CIP2A: variants seen among roughly 807,000 people sequenced by gnomAD.
CIP2A encodes the protein protein CIP2A.
In CIP2A, 103 loss-of-function variants were observed where a neutral mutation model predicts 110.9. That is an observed-to-expected ratio of 0.93 (90% CI 0.79 to 1.09). The LOEUF is 1.09. Ranked by LOEUF, CIP2A falls within the 50% of genes least tolerant of loss-of-function variation. The pLI is 0.00. For synonymous variants in CIP2A, 381 were observed against 361.6 expected, an observed-to-expected ratio of 1.05 and a Z score of -0.61; for missense variants, 1,088 against 1,038.4, an observed-to-expected ratio of 1.05 and a Z score of -0.66.
chr3:108,585,351 T>G (rs557845813), intron 1 of CIP2A, 139 bp from the exon 2 acceptor site: 8 of 702,282 alleles, frequency 1.1e-5, no homozygotes, highest in Middle Eastern at 4.2e-4. Context: ...CTGTGAAAAA[T>G]TCACCCCTGC....
chr3:108,568,522 G>T (rs1367145863), intron 9 of CIP2A, among the ~76,000 whole-genome samples: 1 of 151,732 alleles, frequency 6.6e-6, no homozygotes, highest in African/African-American at 2.4e-5. Context: ...TCTCAAATTA[G>T]ACAGTAAGGT....
chr3:108,553,918 A>AAAAAAAAAAAAAAAAAAAAAAAAAAAAC (rs1937693280), intron 18 of CIP2A, among the ~76,000 whole-genome samples, 188 bp from the exon 19 acceptor site: 2 of 143,812 alleles, frequency 1.4e-5, no homozygotes, highest in Non-Finnish European at 3.0e-5. Context: ...AAAAAAAAAA[A>AAAAAAAAAAAAAAAAAAAAAAAAAAAAC]AGGTCTCGTT....
chr3:108,560,771 G>T lies in CIP2A; in HGVS notation c.1705C>A (p.Pro569Thr). 3.7e-6 allele frequency: 6 copies of T among 1,612,708 alleles called. No homozygotes were observed. The highest frequency in any genetic ancestry group is 4.2e-6 in the Non-Finnish European group (5 of 1,179,140). The change falls in exon 14 of 21, where the codon CCC becomes ACC. Residue 569 changes from proline (P) to threonine (T), a missense_variant. Physicochemically the swap from Pro to Thr is conservative, Grantham distance 38. Transcript: ENST00000295746. ...QETEHIPRKM[P>T]WQSSNHSFPT... ...AAACTGTGATTTGATGATTGCCAGG[G>T]CATTTTTCTGGGTATATGTTCTGTT...
intron 8 of CIP2A, 39 bp downstream of exon 8, chr3:108,576,231 GT>G: frequency 7.6e-7 from 1 of 1,323,212 alleles, no homozygotes; most frequent in Non-Finnish European, 1.0e-6. Flanking sequence ...GCATTTTGCA[GT>G]TTTTAAAAGT....
chr3:108,567,058 G>A (rs188138998), intron 10 of CIP2A, among the ~76,000 whole-genome samples: 2 of 151,780 alleles, frequency 1.3e-5, no homozygotes, highest in Admixed American at 1.3e-4. Flanking sequence ...TATCTCCAAG[G>A]TCAAGCAATC....
Position 108,551,118 on chromosome 3 carries a change from T to G in CIP2A, c.*31A>C. Reference sequence around the variant, plus strand: ...ATAGATAAATACATCAAAAATATCATGAGATTACAAATTCCAAAATGCCAT... The same window carrying G: ...ATAGATAAATACATCAAAAATATCAGGAGATTACAAATTCCAAAATGCCAT... On this transcript the variant is annotated 3_prime_UTR_variant, in exon 21 of 21. Transcript: ENST00000295746. The G allele has an allele frequency of 3.4e-4, 225 of 666,522 alleles. No homozygotes were observed. The highest frequency in any genetic ancestry group is 6.4e-4 in the Middle Eastern group (2 of 3,112). The allele number at this position is 666,522 out of a possible 1,614,324, so 41.3% of individuals were successfully genotyped here.
At chr3:108,554,194 C>T (rs551097768) in intron 18 of CIP2A, among the ~76,000 whole-genome samples, 182 bp downstream of exon 18, 12 of 152,186 alleles carry the variant, frequency 7.9e-5, no homozygotes, top group African/African-American at 2.6e-4. Flanking sequence ...CCATGCCCAG[C>T]CTTTAAAACA....
intron 8 of CIP2A, among the ~76,000 whole-genome samples, chr3:108,570,902 AAC>A (rs1471516988): frequency 6.6e-6 from 1 of 152,182 alleles, no homozygotes; most frequent in African/African-American, 2.4e-5. Context: ...TAGTAAGAGA[AAC>A]ACACTGTACA....
At chr3:108,586,159 T>C (rs943360901) in intron 1 of CIP2A, among the ~76,000 whole-genome samples, 2 of 152,188 alleles carry the variant, frequency 1.3e-5, no homozygotes, top group Admixed American at 6.5e-5. Context: ...TTCCTTTCTG[T>C]ATCCTCCCTT....
chr3:108,573,585 T>C (rs914664944), intron 8 of CIP2A, among the ~76,000 whole-genome samples: 3 of 152,078 alleles, frequency 2.0e-5, no homozygotes, highest in African/African-American at 7.2e-5. Context: ...ACTAGATTTT[T>C]CCCTTGCTGT....
chr3:108,575,442 A>C (rs1261414173), intron 8 of CIP2A, among the ~76,000 whole-genome samples: 1 of 147,952 alleles, frequency 6.8e-6, no homozygotes, highest in Non-Finnish European at 1.5e-5. Context: ...ACACATACAT[A>C]TATACATATA....
intron 9 of CIP2A, 84 bp downstream of exon 9, chr3:108,569,305 A>C: frequency 1.0e-6 from 1 of 1,001,292 alleles, no homozygotes; most frequent in Non-Finnish European, 1.6e-6. Flanking sequence ...ATGAACTGTA[A>C]GTTTACAAAG....
intron 4 of CIP2A, 31 bp from the exon 5 acceptor site, chr3:108,581,542 G>T: frequency 1.5e-6 from 2 of 1,312,966 alleles, no homozygotes; most frequent in Non-Finnish European, 1.1e-6. Context: ...TTTGTTTAAA[G>T]AAAAAATAGT....
Position 108,568,099 on chromosome 3 carries a change from A to AG in CIP2A, c.1273+55dup, listed in dbSNP as rs1938245617. The AG allele has an allele frequency of 1.1e-5, 12 of 1,128,878 alleles. 1 individual carries two copies. In the South Asian group the frequency reaches 1.7e-4, roughly 16 times the overall value. 69.9% of individuals were successfully genotyped at this position (1,128,878 alleles called of 1,614,324 possible). A position where few individuals can be genotyped will look rare whatever the true frequency, so the allele number is the denominator to read the frequency against. On this transcript the variant is annotated intron_variant, in intron 10 of 20. Transcript: ENST00000295746. Reference sequence around the variant, plus strand: ...GACAAAATGCAGTGAATGCAATACTAGAAAAAAAAGAATGGTTAGTTATAC... The same window carrying AG: ...GACAAAATGCAGTGAATGCAATACTAGGAAAAAAAAGAATGGTTAGTTATAC...
At chr3:108,578,971 G>A (rs1357623578) in intron 7 of CIP2A, among the ~76,000 whole-genome samples, 7 of 151,804 alleles carry the variant, frequency 4.6e-5, no homozygotes, top group African/African-American at 1.5e-4. Context: ...TCAAATAATC[G>A]TAATGCTACT....
intron 2 of CIP2A, among the ~76,000 whole-genome samples, chr3:108,584,233 G>A (rs78706898): frequency 0.019 from 2,920 of 152,252 alleles, 104 homozygotes; most frequent in African/African-American, 0.067. Flanking sequence ...ACAGTACCCT[G>A]TAATTAAGGC....
At chr3:108,583,813 C>T (rs927060964) in intron 2 of CIP2A, among the ~76,000 whole-genome samples, 36 of 152,002 alleles carry the variant, frequency 2.4e-4, no homozygotes, top group African/African-American at 8.0e-4. Context: ...GATGGATATC[C>T]TAAATACCCT....
chr3:108,569,167 A>AATATATATATATATATATATATAT (rs1559695577), intron 9 of CIP2A, among the ~76,000 whole-genome samples: 1 of 1,126 alleles, frequency 8.9e-4, no homozygotes, highest in African/African-American at 1.4e-3. Context: ...TGAAATGAGC[A>AATATATATATATATATATATATAT]CTATATATAT....
At chr3:108,583,640 G>A (rs1272497164) in intron 2 of CIP2A, among the ~76,000 whole-genome samples, 1 of 152,062 alleles carries the variant, frequency 6.6e-6, no homozygotes, top group African/African-American at 2.4e-5. Context: ...GTTAGTGGGG[G>A]AGATGAAGAC....
Sources: allele counts gnomAD v4.1 joint callset (sites outside exome capture counted in the v4.1 genomes callset), GRCh38; gene constraint gnomAD v4.1.1; transcripts MANE v1.5; gene names NCBI Gene and HGNC (gene_info 2026-07-23, HGNC 2026-07-21).